SLC66A3: variants seen among roughly 807,000 people sequenced by gnomAD.
SLC66A3 encodes solute carrier family 66 member 3.
SLC66A3 carries 23 observed loss-of-function variants against 25.5 expected under a neutral mutation model. The ratio of observed to expected loss-of-function variants is 0.90; its 90% confidence interval spans 0.65 to 1.28. The LOEUF is 1.28. SLC66A3 is among the 50% of genes most tolerant of loss of function. The probability of loss-of-function intolerance (pLI) is 0.00; values close to 1 mark genes in which losing one functional copy is unlikely to be tolerated. For synonymous variants in SLC66A3, 108 were observed against 112.6 expected, an observed-to-expected ratio of 0.96 and a Z score of 0.26; for missense variants, 246 against 262.1, an observed-to-expected ratio of 0.94 and a Z score of 0.42.
At position 11,177,732 on chromosome 2, in the gene SLC66A3, T is replaced by C. The variant is rs1380365825; in HGVS notation, c.518-5T>C. The C allele has an allele frequency of 6.3e-7, 1 of 1,594,700 alleles. No individual in the cohort carries two copies. Among genetic ancestry groups the C allele is most frequent in the Non-Finnish European group, 8.6e-7 (1 of 1,166,290 alleles). Reference sequence around the variant, plus strand: ...GTTTTTAATACACTTTTTTTTTTATTTCAGTTCTTCTACGTTTTGTGATCA... The same window carrying C: ...GTTTTTAATACACTTTTTTTTTTATCTCAGTTCTTCTACGTTTTGTGATCA... On this transcript the variant is annotated splice_polypyrimidine_tract_variant and splice_region_variant and intron_variant, in intron 6 of 6. Coordinates refer to ENST00000295083, the MANE Select transcript of SLC66A3 (RefSeq NM_152391.5).
intron 3 of SLC66A3, among the ~76,000 whole-genome samples, chr2:11,162,467 G>A (rs1025945056): frequency 2.0e-5 from 3 of 152,244 alleles, no homozygotes; most frequent in Non-Finnish European, 4.4e-5. Flanking sequence ...GGGTGCTGGT[G>A]GCACTGGGAG....
chr2:11,158,579 G>A (rs1459370946), intron 1 of SLC66A3, among the ~76,000 whole-genome samples: 2 of 152,202 alleles, frequency 1.3e-5, no homozygotes. Context: ...GGAGAATGGC[G>A]TGAACCCGGG....
In SLC66A3 at chr2:11,160,666, G is replaced by A. The variant is rs148282717; in HGVS notation, c.268G>A (p.Val90Met). The change falls in exon 3 of 7, where the codon GTG (valine) becomes ATG (methionine). Residue 90 changes from valine to methionine, a missense_variant. Physicochemically the swap from Val to Met is conservative, Grantham distance 21. Coordinates refer to ENST00000295083, the MANE Select transcript of SLC66A3 (RefSeq NM_152391.5). ...CTGTATCTTTCATTTTAACGGGAACGTGAAGCAGGCCACTCCTTACATCGC... is the reference window on the plus strand; with the variant it reads ...CTGTATCTTTCATTTTAACGGGAACATGAAGCAGGCCACTCCTTACATCGC... ...LLCIFHFNGN[V>M]KQATPYIAVL... 3.0e-4 allele frequency: 482 copies of A among 1,614,094 alleles called. No homozygotes were observed. Among genetic ancestry groups the A allele is most frequent in the South Asian group, 5.8e-4 (53 of 91,080 alleles).
chr2:11,167,210 C>T lies in SLC66A3; in HGVS notation c.354+2949C>T, dbSNP rs767682134. On this transcript the variant is annotated intron_variant, in intron 4 of 6. Transcript: ENST00000295083. ...CTGTTATCCCAGAGCTTTGGGAGGC[C>T]GAGGCGTGCAGATCACCTGAGGTCA... Among the ~76,000 whole-genome samples the T allele has an allele frequency of 2.0e-4, 30 of 152,234 alleles. 1 individual carries two copies. Among genetic ancestry groups the T allele is most frequent in the East Asian group, 7.7e-4 (4 of 5,184 alleles).
intron 1 of SLC66A3, among the ~76,000 whole-genome samples, chr2:11,157,349 G>A (rs570702461): frequency 1.5e-4 from 23 of 152,366 alleles, no homozygotes; most frequent in Admixed American, 8.5e-4. Context: ...GGTAAAGGGG[G>A]CTCTGTCGGG....
chr2:11,167,185 C>T (rs567768154), intron 4 of SLC66A3, among the ~76,000 whole-genome samples: 1 of 152,322 alleles, frequency 6.6e-6, no homozygotes, highest in Admixed American at 6.5e-5. Context: ...TGGCTCATGC[C>T]TGTTATCCCA....
rs1319278925 is a variant in SLC66A3 at position 11,163,335 on chromosome 2, G to A, written c.297-869G>A. Among the ~76,000 whole-genome samples, 7 of 152,108 alleles carry A rather than the reference G, an allele frequency of 4.6e-5. No individual in the cohort carries two copies. In the South Asian group the frequency reaches 1.2e-3, roughly 27 times the overall value. ...TAGAACAGAATTGGTGGGGGGAGGAGTCACAAAAATTAGATTTAAAAATTG... is the reference window on the plus strand; with the variant it reads ...TAGAACAGAATTGGTGGGGGGAGGAATCACAAAAATTAGATTTAAAAATTG... On this transcript the variant is annotated intron_variant, in intron 3 of 6. Coordinates refer to ENST00000295083, the MANE Select transcript of SLC66A3 (RefSeq NM_152391.5).
At chr2:11,157,586 G>C (rs1389394079) in intron 1 of SLC66A3, among the ~76,000 whole-genome samples, 1 of 152,242 alleles carries the variant, frequency 6.6e-6, no homozygotes, top group South Asian at 2.1e-4. Flanking sequence ...GCCGGAGTTA[G>C]AGCAGAAGGA....
chr2:11,174,424 C>G (rs943354567), intron 5 of SLC66A3, among the ~76,000 whole-genome samples: 11 of 152,272 alleles, frequency 7.2e-5, no homozygotes, highest in Non-Finnish European at 1.3e-4. Context: ...CGAGTACCTT[C>G]TAGGTACCTT....
intron 4 of SLC66A3, among the ~76,000 whole-genome samples, chr2:11,165,237 G>A (rs916038997): frequency 2.0e-5 from 3 of 150,548 alleles, no homozygotes; most frequent in Non-Finnish European, 3.0e-5. Flanking sequence ...GCTGGCTGCC[G>A]GGCGTAGGGG....
intron 3 of SLC66A3, among the ~76,000 whole-genome samples, chr2:11,162,504 G>A (rs1342292797): frequency 6.6e-6 from 1 of 152,230 alleles, no homozygotes; most frequent in African/African-American, 2.4e-5. Context: ...TGCTGATGGC[G>A]AGTCTGTAGT....
At chr2:11,175,529 G>C (rs949804573) in intron 6 of SLC66A3, among the ~76,000 whole-genome samples, 2 of 152,236 alleles carry the variant, frequency 1.3e-5, no homozygotes, top group Non-Finnish European at 2.9e-5. Flanking sequence ...CAGGGGGACA[G>C]TGACAAGCGG....
At chr2:11,166,970 A>T (rs149695699) in intron 4 of SLC66A3, among the ~76,000 whole-genome samples, 1 of 152,382 alleles carries the variant, frequency 6.6e-6, no homozygotes, top group East Asian at 1.9e-4. Flanking sequence ...ATTTAAATTT[A>T]ACTAGATGTC....
intron 3 of SLC66A3, among the ~76,000 whole-genome samples, chr2:11,163,828 T>G (rs1357750076): frequency 6.6e-6 from 1 of 152,210 alleles, no homozygotes; most frequent in African/African-American, 2.4e-5. Flanking sequence ...TTGCAGAACA[T>G]TCCTGCTTTA....
Position 11,160,608 on chromosome 2 carries a change from G to A in SLC66A3, c.227-17G>A. ...GGGTCTCCCCTTCCCCCCTCACTCGGAGCCTCTCTCTTTCAGATGTCATCC... is the reference window on the plus strand; with the variant it reads ...GGGTCTCCCCTTCCCCCCTCACTCGAAGCCTCTCTCTTTCAGATGTCATCC... On this transcript the variant is annotated splice_polypyrimidine_tract_variant and intron_variant, in intron 2 of 6. Transcript: ENST00000295083. The A allele has an allele frequency of 1.2e-6, 2 of 1,614,088 alleles. No individual in the cohort carries two copies. The highest frequency in any genetic ancestry group is 1.7e-6 in the Non-Finnish European group (2 of 1,180,012).
At chr2:11,162,986 C>G (rs941157309) in intron 3 of SLC66A3, among the ~76,000 whole-genome samples, 1 of 152,054 alleles carries the variant, frequency 6.6e-6, no homozygotes, top group Non-Finnish European at 1.5e-5. Context: ...TGCCTATAAT[C>G]CCAGTGTGTT....
intron 4 of SLC66A3, among the ~76,000 whole-genome samples, chr2:11,167,413 A>G (rs1199939353): frequency 6.6e-6 from 1 of 152,234 alleles, no homozygotes; most frequent in Non-Finnish European, 1.5e-5. Flanking sequence ...ATTGCACTCC[A>G]GCCTGGGCAA....
At chr2:11,174,439 CAT>C (rs1239057484) in intron 5 of SLC66A3, among the ~76,000 whole-genome samples, 1 of 152,212 alleles carries the variant, frequency 6.6e-6, no homozygotes, top group Non-Finnish European at 1.5e-5. Flanking sequence ...TACCTTCCCT[CAT>C]GAGCAGTTTC....
At chr2:11,166,169 TGGCCACTAGCA>T (rs1662336553) in intron 4 of SLC66A3, among the ~76,000 whole-genome samples, 1 of 152,226 alleles carries the variant, frequency 6.6e-6, no homozygotes, top group Admixed American at 6.5e-5. Flanking sequence ...CCACGGCAGC[TGGCCACTAGCA>T]GTTTTAGAAT....
Sources: gnomAD v4.1 joint callset for allele counts (sites outside exome capture counted in the v4.1 genomes callset) on GRCh38, gnomAD v4.1.1 for gene constraint, MANE v1.5 for transcripts, NCBI Gene and HGNC (gene_info 2026-07-23, HGNC 2026-07-21) for gene names.